AP1G1: variants seen among roughly 807,000 people sequenced by gnomAD.
AP1G1 encodes adaptor related protein complex 1 subunit gamma 1, also known as AP-1 complex subunit gamma-1.
AP1G1 carries 7 observed loss-of-function variants against 108.3 expected under a neutral mutation model. The ratio of observed to expected loss-of-function variants is 0.06; its 90% CI spans 0.04 to 0.12. The LOEUF is 0.12. AP1G1 is among the 10% of genes least tolerant of loss of function. The pLI is 1.00. For synonymous variants in AP1G1, 379 were observed against 353.5 expected, an observed-to-expected ratio of 1.07 and a Z score of -0.81; for missense variants, 756 against 1,010.7, an observed-to-expected ratio of 0.75 and a Z score of 3.42.
intron 2 of AP1G1, among the ~76,000 whole-genome samples, chr16:71,784,484 T>G (rs1597077638): frequency 1.3e-5 from 2 of 152,326 alleles, no homozygotes; most frequent in South Asian, 4.1e-4. Flanking sequence ...CTACTATTAT[T>G]TTTCTCTTTA....
rs1159429512 is a variant in AP1G1 at position 71,745,518 on chromosome 16, T to C, written c.1827A>G (p.Pro609=). 1.2e-6 allele frequency: 2 copies of C among 1,614,170 alleles called. No individual in the cohort carries two copies. Among genetic ancestry groups the C allele is most frequent in the South Asian group, 1.1e-5 (1 of 91,088 alleles). ...CAGAGGGTGGCGGTTTGGTCTCTAGTGGAGCTGGTTCTGTCTCTCCATTTG... is the reference window on the plus strand; with the variant it reads ...CAGAGGGTGGCGGTTTGGTCTCTAGCGGAGCTGGTTCTGTCTCTCCATTTG... The part of the protein sequence containing the change: ...VQTNGETEPA[P]LETKPPPSGP... The change falls in exon 18 of 23, where the codon CCA becomes CCG. Residue 609 remains proline (P), a synonymous_variant. Transcript: ENST00000299980.
intron 2 of AP1G1, among the ~76,000 whole-genome samples, chr16:71,781,321 A>AT (rs1361258944): frequency 6.6e-6 from 1 of 152,192 alleles, no homozygotes; most frequent in Non-Finnish European, 1.5e-5. Flanking sequence ...AGTGAATCCA[A>AT]TTTTTTCTTT....
chr16:71,732,960 C>T lies in AP1G1; in HGVS notation c.*98G>A, dbSNP rs2045488426. The T allele has an allele frequency of 1.0e-5, 9 of 893,276 alleles. No individual in the cohort carries two copies. In the South Asian group the frequency reaches 1.4e-4, roughly 14 times the overall value. The allele number at this position is 893,276 out of a possible 1,614,324, so 55.3% of individuals were successfully genotyped here. A position where few individuals can be genotyped will look rare whatever the true frequency, so the allele number is the denominator to read the frequency against. On this transcript the variant is annotated 3_prime_UTR_variant, in exon 23 of 23. Transcript: ENST00000299980. ...CAGCAGTTCTCTTCAGCTCCTCATG[C>T]CCGTGGTACAGTTGGGGGGGACTTG...
At chr16:71,799,433 A>G (rs1232538416) in intron 1 of AP1G1, among the ~76,000 whole-genome samples, 1 of 152,182 alleles carries the variant, frequency 6.6e-6, no homozygotes, top group Non-Finnish European at 1.5e-5. Context: ...CATCCACGCT[A>G]TAAGACACAA....
In AP1G1 at chr16:71,729,341, G is replaced by A. The variant is rs1433125049; in HGVS notation, c.*3717C>T. 6.6e-6 allele frequency: 1 copy of A among 150,848 alleles called. No individual in the cohort carries two copies. The highest frequency in any genetic ancestry group is 1.5e-5 in the Non-Finnish European group (1 of 67,798). 9.3% of individuals were successfully genotyped at this position (150,848 alleles called of 1,614,324 possible). On this transcript the variant is annotated 3_prime_UTR_variant, in exon 23 of 23. Coordinates refer to ENST00000299980, the MANE Select transcript of AP1G1 (RefSeq NM_001128.6). ...TAGGAACACAGTGGGAGTTCATAAA[G>A]GAAAGAGTTCAGAAGCTCTTTCCCA...
intron 16 of AP1G1, chr16:71,747,359 T>C (rs2030236775): frequency 6.6e-6 from 1 of 152,112 alleles, no homozygotes; most frequent in Admixed American, 6.6e-5. Flanking sequence ...CTTGGCCAGA[T>C]TACAAGGTCA....
In AP1G1 at chr16:71,782,095, T is replaced by C. The variant is rs907732988; in HGVS notation, c.201+7184A>G. 7.2e-5 allele frequency among the ~76,000 whole-genome samples: 11 copies of C among 152,362 alleles called. No individual in the cohort carries two copies. In the South Asian group the frequency reaches 2.1e-3, roughly 29 times the overall value. On this transcript the variant is annotated intron_variant, in intron 2 of 22. Coordinates refer to ENST00000299980, the MANE Select transcript of AP1G1 (RefSeq NM_001128.6). ...CTACAGCTCTAAGAAGAAACTTCTC[T>C]ATACAGAAGGAAGGCCATACTATTG...
chr16:71,770,014 T>A (rs549410044), intron 5 of AP1G1, among the ~76,000 whole-genome samples: 1 of 152,354 alleles, frequency 6.6e-6, no homozygotes, highest in Non-Finnish European at 1.5e-5. Context: ...AAGCTAGGTA[T>A]GATCTGTTCT....
intron 21 of AP1G1, among the ~76,000 whole-genome samples, chr16:71,738,579 C>T (rs1189838098): frequency 1.3e-5 from 2 of 152,142 alleles, no homozygotes; most frequent in Admixed American, 1.3e-4. Context: ...TCTCATCTTA[C>T]TTAACTTTAA....
At chr16:71,770,515 T>C (rs1597064902) in intron 5 of AP1G1, among the ~76,000 whole-genome samples, 4 of 152,390 alleles carry the variant, frequency 2.6e-5, no homozygotes, top group Admixed American at 6.5e-5. Context: ...TCTGGCTCTG[T>C]AGCCCAGGCT....
At chr16:71,756,247 T>G (rs1300631817) in intron 11 of AP1G1, 88 bp from the exon 12 acceptor site, 32 of 1,221,610 alleles carry the variant, frequency 2.6e-5, no homozygotes, top group Non-Finnish European at 3.2e-5. Flanking sequence ...GAACACCAAG[T>G]ACTGCCAGAT....
At chr16:71,788,216 T>C (rs971904064) in intron 2 of AP1G1, among the ~76,000 whole-genome samples, 1 of 152,224 alleles carries the variant, frequency 6.6e-6, no homozygotes, top group African/African-American at 2.4e-5. Context: ...CTGATGACTA[T>C]CTTTCCTGAT....
intron 1 of AP1G1, among the ~76,000 whole-genome samples, chr16:71,803,236 A>G (rs2032871880): frequency 6.6e-6 from 1 of 152,110 alleles, no homozygotes; most frequent in African/African-American, 2.4e-5. Flanking sequence ...TAAATAAATA[A>G]TAAGATGTTT....
At chr16:71,755,862 T>G (rs545982250) in intron 12 of AP1G1, 157 bp downstream of exon 12, 2 of 740,916 alleles carry the variant, frequency 2.7e-6, no homozygotes, top group South Asian at 4.4e-5. Context: ...GCCAGGCTGG[T>G]CTCGAACTCC....
chr16:71,801,378 T>C (rs577091491), intron 1 of AP1G1, among the ~76,000 whole-genome samples: 56 of 148,744 alleles, frequency 3.8e-4, no homozygotes, highest in Admixed American at 6.6e-4. Flanking sequence ...AATAATATGA[T>C]CTCTCTTTAG....
chr16:71,760,613 C>T (rs1418011542), intron 10 of AP1G1, among the ~76,000 whole-genome samples: 4 of 151,850 alleles, frequency 2.6e-5, no homozygotes, highest in Admixed American at 1.3e-4. Context: ...GGCATGATCA[C>T]AGCTCACTGC....
In AP1G1 at chr16:71,746,698, G is replaced by C. The variant is rs558973498; in HGVS notation, c.1626-6C>G. The C allele has an allele frequency of 6.3e-7, 1 of 1,596,996 alleles. No individual in the cohort carries two copies. Among genetic ancestry groups the C allele is most frequent in the South Asian group, 1.1e-5 (1 of 89,330 alleles). On this transcript the variant is annotated splice_polypyrimidine_tract_variant and splice_region_variant and intron_variant, in intron 16 of 22. Coordinates refer to ENST00000299980, the MANE Select transcript of AP1G1 (RefSeq NM_001128.6). Reference sequence around the variant, plus strand: ...AAACCACTTTCTTAATTCGGCTATAGATAAAATGACAAACGAAATAAAATA... The same window carrying C: ...AAACCACTTTCTTAATTCGGCTATACATAAAATGACAAACGAAATAAAATA...
At chr16:71,779,704 T>C (rs999954029) in intron 2 of AP1G1, among the ~76,000 whole-genome samples, 19 of 152,208 alleles carry the variant, frequency 1.2e-4, no homozygotes, top group Non-Finnish European at 2.6e-4. Flanking sequence ...GAATTTTCCA[T>C]GTTTCTGGCC....
At chr16:71,762,224 C>T (rs2031121418) in intron 9 of AP1G1, among the ~76,000 whole-genome samples, 1 of 151,982 alleles carries the variant, frequency 6.6e-6, no homozygotes, top group African/African-American at 2.4e-5. Flanking sequence ...ACCTTGAAGA[C>T]ATTATGTTAA....
Sources: gnomAD v4.1 joint callset for allele counts (sites outside exome capture counted in the v4.1 genomes callset) on GRCh38, gnomAD v4.1.1 for gene constraint, MANE v1.5 for transcripts, NCBI Gene and HGNC (gene_info 2026-07-23, HGNC 2026-07-21) for gene names.